Variants in KMT2A observed in about 807,000 individuals in gnomAD.
KMT2A encodes histone-lysine N-methyltransferase 2A.
KMT2A carries 16 observed loss-of-function variants against 345.3 expected under a neutral mutation model. The observed-to-expected ratio is 0.05, with a 90% confidence interval of 0.03 to 0.07. The LOEUF (loss-of-function observed/expected upper bound fraction) is 0.07, where lower values mean the gene tolerates loss of function less well. Ranked by LOEUF, KMT2A falls within the 10% of genes least tolerant of loss-of-function variation. The pLI is 1.00. For synonymous variants in KMT2A, 1,599 were observed against 1,778.6 expected (o/e 0.90, Z 2.54); for missense variants, 3,272 against 4,841.6 (o/e 0.68, Z 9.62).
In KMT2A at chr11:118,472,756, G is replaced by T; in HGVS notation, c.1597G>T (p.Val533Leu). Residue 533 changes from valine to leucine, a missense_variant, in exon 3 of 36, where the codon GTG becomes TTG. This residue lies in a region of KMT2A where 180 missense variants were observed against 190.7 expected (regional missense o/e 0.94). Transcript: ENST00000534358. ...SNDRRSRRYSVSERSFGSRTT... is the reference protein window; with the variant it reads ...SNDRRSRRYSLSERSFGSRTT... ...TGATAGGAGAAGCAGAAGGTATTCA[G>T]TGTCGGAGAGAAGTTTTGGATCTAG... The T allele has an allele frequency of 6.2e-7, 1 of 1,613,742 alleles. No homozygotes were observed. Among genetic ancestry groups the T allele is most frequent in the Non-Finnish European group, 8.5e-7 (1 of 1,179,988 alleles).
In KMT2A at chr11:118,494,403, A is replaced by G. The variant is rs568439743; in HGVS notation, c.5289+5A>G. 1.4e-4 allele frequency: 195 copies of G among 1,436,430 alleles called. No homozygotes were observed. The South Asian group carries it at 2.1e-3, about 16-fold the overall frequency. The allele number at this position is 1,436,430 out of a possible 1,614,324, so 89.0% of individuals were successfully genotyped here. A position where few individuals can be genotyped will look rare whatever the true frequency, so the allele number is the denominator to read the frequency against. On this transcript the variant is annotated splice_donor_5th_base_variant and intron_variant, in intron 17 of 35. Transcript: ENST00000534358. This position sits in a 1 kb window ranked among gnomAD's most constrained non-coding sequence, Gnocchi z 5.8. ...GTCAAGTCCTTCTTCATTCGGGTGA[A>G]TGATATTACTAATTCATGTTTTTAA...
intron 10 of KMT2A, among the ~76,000 whole-genome samples, chr11:118,486,046 G>A (rs1195133410): frequency 4.6e-5 from 7 of 152,288 alleles, no homozygotes; most frequent in African/African-American, 1.7e-4. Flanking sequence ...TCGCCCCACT[G>A]CACTCCCGCC....
chr11:118,495,165 T>TTTA lies in KMT2A; in HGVS notation c.5363+400_5363+401insATT, dbSNP rs1282222786. ...TGATTTGATTTTATTTATTTATTTA[T>TTTA]TTTTTTTTTTTTGAGACGGAGTCTC... On this transcript the variant is annotated intron_variant, in intron 18 of 35. Transcript: ENST00000534358. This position sits in a 1 kb window ranked among gnomAD's most constrained non-coding sequence, Gnocchi z 4.1. 2.9e-3 allele frequency among the ~76,000 whole-genome samples: 407 copies of TTTA among 142,696 alleles called. No homozygotes were observed. Among genetic ancestry groups the TTTA allele is most frequent in the Middle Eastern group, 0.011 (3 of 270 alleles). The allele number at this position is 142,696 out of a possible 152,430, so 93.6% of individuals were successfully genotyped here. A position where few individuals can be genotyped will look rare whatever the true frequency, so the allele number is the denominator to read the frequency against.
intron 1 of KMT2A, among the ~76,000 whole-genome samples, chr11:118,442,408 C>T (rs1555026072): frequency 6.6e-6 from 1 of 152,224 alleles, no homozygotes; most frequent in Non-Finnish European, 1.5e-5. Context: ...CCTGTAGGCA[C>T]TAGTAGGAAA....
At position 118,507,604 on chromosome 11, in the gene KMT2A, T is replaced by G; in HGVS notation, c.10830T>G (p.Pro3610=). 1.2e-6 allele frequency: 2 copies of G among 1,612,832 alleles called. No individual in the cohort carries two copies. The highest frequency in any genetic ancestry group is 4.5e-5 in the East Asian group (2 of 44,886). The part of the protein sequence containing the change: ...EQSSQKECGQ[P]AGQVAVLPEV... ...CCTCCCAGAAGGAGTGTGGGCAACC[T>G]GCAGGGTAAGCTGAAGAATTCGTCT... The change falls in exon 28 of 36, where the codon CCT becomes CCG. Residue 3610 remains proline, a synonymous_variant. Coordinates refer to ENST00000534358, the MANE Select transcript of KMT2A (RefSeq NM_001197104.2).
chr11:118,441,912 T>C (rs782630016), intron 1 of KMT2A, among the ~76,000 whole-genome samples: 8 of 152,216 alleles, frequency 5.3e-5, no homozygotes, highest in Non-Finnish European at 7.3e-5. Flanking sequence ...CTTAGAGCTG[T>C]CCTTCCGTGG....
rs1254057862 is a variant in KMT2A, at chr11:118,496,796, T to C, written c.5664+429T>C. Among the ~76,000 whole-genome samples, 4 of 152,194 alleles carry C rather than the reference T, an allele frequency of 2.6e-5. No homozygotes were observed. The highest frequency in any genetic ancestry group is 1.9e-4 in the East Asian group (1 of 5,192). On this transcript the variant is annotated intron_variant, in intron 20 of 35. Coordinates refer to ENST00000534358, the MANE Select transcript of KMT2A (RefSeq NM_001197104.2). The surrounding 1 kb of genome is among the most constrained non-coding windows in gnomAD (Gnocchi z 4.7). Reference sequence around the variant, plus strand: ...ATTTCTGTGCTTAACTGCCTACTTATTGACTTTGGCAAGTAGTTTAACCTC... The same window carrying C: ...ATTTCTGTGCTTAACTGCCTACTTACTGACTTTGGCAAGTAGTTTAACCTC...
intron 28 of KMT2A, among the ~76,000 whole-genome samples, chr11:118,507,930 T>A (rs1195386543): frequency 1.3e-5 from 2 of 152,200 alleles, no homozygotes; most frequent in African/African-American, 4.8e-5. Context: ...GCCACTGCAC[T>A]CCAGCCTGGG....
Position 118,495,702 on chromosome 11 carries a change from G to A in KMT2A, c.5366G>A (p.Ser1789Asn). The change falls in exon 19 of 36, where the codon AGT becomes AAT. Residue 1789 changes from serine to asparagine, a missense_variant and splice_region_variant. This residue lies in a region of KMT2A where 235 missense variants were observed against 503.4 expected (regional missense o/e 0.47). Transcript: ENST00000534358. The surrounding 1 kb of genome is among the most constrained non-coding windows in gnomAD (Gnocchi z 4.1). ...CTTGTTGAATCAATTATTTTCAGCAGTGGGATGTTACCAAACGCAGTGCTT... is the reference window on the plus strand; with the variant it reads ...CTTGTTGAATCAATTATTTTCAGCAATGGGATGTTACCAAACGCAGTGCTT... ...FWEPNKVSSN[S>N]GMLPNAVLPP... is the part of the protein sequence containing the mutation. The A allele has an allele frequency of 6.2e-7, 1 of 1,607,848 alleles. No homozygotes were observed. Among genetic ancestry groups the A allele is most frequent in the Non-Finnish European group, 8.5e-7 (1 of 1,176,238 alleles).
At position 118,521,874 on chromosome 11, in the gene KMT2A, T is replaced by C. The variant is rs1167546877; in HGVS notation, c.11644-23T>C. On this transcript the variant is annotated intron_variant, in intron 35 of 35. Coordinates refer to ENST00000534358, the MANE Select transcript of KMT2A (RefSeq NM_001197104.2). This position sits in a 1 kb window ranked among gnomAD's most constrained non-coding sequence, Gnocchi z 5.3. Reference sequence around the variant, plus strand: ...GAGTTTATAAGAAATGACAAGTTCTTCTCCCTTCTTCTGCATGTGCAGGGC... The same window carrying C: ...GAGTTTATAAGAAATGACAAGTTCTCCTCCCTTCTTCTGCATGTGCAGGGC... 1 of 1,603,618 alleles carries C rather than the reference T, an allele frequency of 6.2e-7. No homozygotes were observed. Among genetic ancestry groups the C allele is most frequent in the Non-Finnish European group, 8.5e-7 (1 of 1,171,394 alleles).
In KMT2A at chr11:118,522,354, A is replaced by G; in HGVS notation, c.*182A>G. On this transcript the variant is annotated 3_prime_UTR_variant, in exon 36 of 36. Coordinates refer to ENST00000534358, the MANE Select transcript of KMT2A (RefSeq NM_001197104.2). The surrounding 1 kb of genome is among the most constrained non-coding windows in gnomAD (Gnocchi z 5.4). ...GACATGTGATCATAGTCCCAGAGACAGAGTTGAGGTCTCGAAGAAAAGATC... is the reference window on the plus strand; with the variant it reads ...GACATGTGATCATAGTCCCAGAGACGGAGTTGAGGTCTCGAAGAAAAGATC... 1.6e-6 allele frequency: 1 copy of G among 609,628 alleles called. No homozygotes were observed. Among genetic ancestry groups the G allele is most frequent in the East Asian group, 2.8e-5 (1 of 35,130 alleles). 37.8% of individuals were successfully genotyped at this position (609,628 alleles called of 1,614,324 possible).
chr11:118,511,886 A>T, intron 30 of KMT2A, 65 bp from the exon 31 acceptor site: 1 of 1,219,470 alleles, frequency 8.2e-7, no homozygotes, highest in Non-Finnish European at 1.2e-6. Context: ...TGTGCACATC[A>T]TTGGTATTAA....
At chr11:118,437,521 C>T (rs1949216030) in intron 1 of KMT2A, among the ~76,000 whole-genome samples, 1 of 151,308 alleles carries the variant, frequency 6.6e-6, no homozygotes, top group Non-Finnish European at 1.5e-5. Context: ...GCCACTCCCC[C>T]TTCCTTCACC....
In KMT2A at chr11:118,472,688, A is replaced by G. The variant is rs782129160; in HGVS notation, c.1529A>G (p.His510Arg). 3.1e-5 allele frequency: 50 copies of G among 1,613,296 alleles called. No homozygotes were observed. The Admixed American group carries it at 8.0e-4, about 26-fold the overall frequency. Reference protein sequence around the residue: ...PEERSDTPEVHPPLPISQSPE... With the variant: ...PEERSDTPEVRPPLPISQSPE... Reference sequence around the variant, plus strand: ...GAGCGGAGCGATACCCCTGAAGTTCATCCTCCACTGCCCATTTCCCAGTCC... The same window carrying G: ...GAGCGGAGCGATACCCCTGAAGTTCGTCCTCCACTGCCCATTTCCCAGTCC... Residue 510 changes from histidine (H) to arginine (R), a missense_variant, in exon 3 of 36, where the codon CAT (histidine) becomes CGT (arginine). Around this residue, in one of 27 missense-constraint regions of KMT2A, gnomAD observed 180 missense variants for 190.7 expected, o/e 0.94. Coordinates refer to ENST00000534358, the MANE Select transcript of KMT2A (RefSeq NM_001197104.2).
chr11:118,456,528 T>TG (rs1949647171), intron 1 of KMT2A, among the ~76,000 whole-genome samples: 2 of 151,762 alleles, frequency 1.3e-5, no homozygotes, highest in Non-Finnish European at 2.9e-5. Context: ...TTAGTAGAGA[T>TG]GGGGTTTCAC....
rs1228201481 is a variant in KMT2A at position 118,520,178 on chromosome 11, G to T, written c.11429+114G>T. 1.4e-5 allele frequency: 10 copies of T among 700,144 alleles called. No individual in the cohort carries two copies. In the Admixed American group the frequency reaches 2.4e-4, roughly 17 times the overall value. 43.4% of individuals were successfully genotyped at this position (700,144 alleles called of 1,614,324 possible). A position where few individuals can be genotyped will look rare whatever the true frequency, so the allele number is the denominator to read the frequency against. Reference sequence around the variant, plus strand: ...GAATTTCCTGGATAAGATTTAAAAGGACTGAAAACCATTTGTGTTGAAGTA... The same window carrying T: ...GAATTTCCTGGATAAGATTTAAAAGTACTGAAAACCATTTGTGTTGAAGTA... On this transcript the variant is annotated intron_variant, in intron 33 of 35. Coordinates refer to ENST00000534358, the MANE Select transcript of KMT2A (RefSeq NM_001197104.2). This position sits in a 1 kb window ranked among gnomAD's most constrained non-coding sequence, Gnocchi z 4.3.
At position 118,481,923 on chromosome 11, in the gene KMT2A, T is replaced by C. The variant is rs2134300585; in HGVS notation, c.3843T>C (p.Pro1281=). The change falls in exon 7 of 36, where the codon CCT becomes CCC. Residue 1281 remains proline, a synonymous_variant. Transcript: ENST00000534358. Reference sequence around the variant, plus strand: ...AAGGGAATGTCTCGGCCCCTGGGCCTGAATCCAAACAGGCCACCACTCCAG... The same window carrying C: ...AAGGGAATGTCTCGGCCCCTGGGCCCGAATCCAAACAGGCCACCACTCCAG... ...SEEGNVSAPG[P]ESKQATTPAS... 1.2e-6 allele frequency: 2 copies of C among 1,614,196 alleles called. No individual in the cohort carries two copies. The highest frequency in any genetic ancestry group is 8.5e-7 in the Non-Finnish European group (1 of 1,180,032).
rs1591314497 is a variant in KMT2A at position 118,523,485 on chromosome 11, A to T, written c.*1313A>T. The T allele has an allele frequency of 4.5e-6, 1 of 224,026 alleles. No individual in the cohort carries two copies. Among genetic ancestry groups the T allele is most frequent in the Non-Finnish European group, 8.9e-6 (1 of 112,160 alleles). 13.9% of individuals were successfully genotyped at this position (224,026 alleles called of 1,614,324 possible). ...AAATGTTTCTTCTCTTCCTTTCCCCAAGACAGAGTCCTGAACCTGTTAAAT... is the reference window on the plus strand; with the variant it reads ...AAATGTTTCTTCTCTTCCTTTCCCCTAGACAGAGTCCTGAACCTGTTAAAT... On this transcript the variant is annotated 3_prime_UTR_variant, in exon 36 of 36. Coordinates refer to ENST00000534358, the MANE Select transcript of KMT2A (RefSeq NM_001197104.2).
At chr11:118,474,409 A>G in intron 3 of KMT2A, 94 bp downstream of exon 3, 1 of 1,438,438 alleles carries the variant, frequency 7.0e-7, no homozygotes, top group Non-Finnish European at 9.2e-7. Flanking sequence ...ACATCCAGTT[A>G]TGAGAACCAA....
Sources: allele counts gnomAD v4.1 joint callset (sites outside exome capture counted in the v4.1 genomes callset), GRCh38; gene constraint gnomAD v4.1.1; regional missense constraint gnomAD v4.1.1; non-coding constraint Gnocchi (gnomAD v3.1); transcripts MANE v1.5; gene names NCBI Gene and HGNC (gene_info 2026-07-23, HGNC 2026-07-21).